WIF1: variants seen among roughly 807,000 people sequenced by gnomAD.
The protein encoded by WIF1 is Wnt inhibitory factor 1.
Under a neutral mutation model 53.5 loss-of-function variants are expected in WIF1, and 35 were observed. The observed-to-expected ratio is 0.65, with a 90% CI of 0.50 to 0.87. WIF1 has a LOEUF of 0.87. WIF1 is among the 40% of genes least tolerant of loss of function. WIF1 has a pLI of 0.00. For synonymous variants in WIF1, 171 were observed against 170.4 expected, an observed-to-expected ratio of 1.00 and a Z score of -0.03; for missense variants, 467 against 476.8, an observed-to-expected ratio of 0.98 and a Z score of 0.19.
At chr12:65,118,004 C>T (rs1195524282) in intron 2 of WIF1, among the ~76,000 whole-genome samples, 6 of 152,118 alleles carry the variant, frequency 3.9e-5, no homozygotes, top group Non-Finnish European at 7.4e-5. Context: ...GGGGATCCTT[C>T]GTTACTGGAC....
intron 2 of WIF1, among the ~76,000 whole-genome samples, chr12:65,086,128 T>G (rs1328295866): frequency 6.7e-6 from 1 of 149,712 alleles, no homozygotes; most frequent in Non-Finnish European, 1.5e-5. Flanking sequence ...GGAAAACACT[T>G]TGTTCAGCTC....
chr12:65,086,751 CT>C (rs1396520856), intron 2 of WIF1, among the ~76,000 whole-genome samples: 1 of 112,418 alleles, frequency 8.9e-6, no homozygotes, highest in African/African-American at 3.1e-5. Context: ...TTGAATATTT[CT>C]TTTCTTAAAG....
At chr12:65,090,826 A>G (rs998512934) in intron 2 of WIF1, among the ~76,000 whole-genome samples, 1 of 152,170 alleles carries the variant, frequency 6.6e-6, no homozygotes, top group African/African-American at 2.4e-5. Context: ...GTTACTATAC[A>G]CAGGATCAAT....
At chr12:65,069,666 A>T (rs999297475) in intron 3 of WIF1, among the ~76,000 whole-genome samples, 1 of 152,110 alleles carries the variant, frequency 6.6e-6, no homozygotes, top group African/African-American at 2.4e-5. Flanking sequence ...GAGTCTAATG[A>T]TTACTCAGCC....
intron 7 of WIF1, among the ~76,000 whole-genome samples, chr12:65,059,009 G>A (rs978445763): frequency 1.3e-5 from 2 of 151,544 alleles, no homozygotes; most frequent in South Asian, 2.1e-4. Context: ...CCAAGATGGC[G>A]CCACTGCACT....
At chr12:65,103,944 G>T (rs550019588) in intron 2 of WIF1, among the ~76,000 whole-genome samples, 6 of 150,660 alleles carry the variant, frequency 4.0e-5, no homozygotes, top group South Asian at 4.2e-4. Flanking sequence ...GCATACCTCT[G>T]GTCCCAGCTA....
At chr12:65,073,096 G>C (rs1882808812) in intron 3 of WIF1, among the ~76,000 whole-genome samples, 1 of 152,148 alleles carries the variant, frequency 6.6e-6, no homozygotes, top group African/African-American at 2.4e-5. Flanking sequence ...AGTCAGTTGA[G>C]TCCCTGTCCT....
intron 2 of WIF1, among the ~76,000 whole-genome samples, chr12:65,098,577 A>G (rs1303351806): frequency 6.6e-6 from 1 of 152,144 alleles, no homozygotes; most frequent in Non-Finnish European, 1.5e-5. Context: ...GGCAAAATGG[A>G]TCACGGCCAG....
chr12:65,072,768 A>G (rs190719093), intron 3 of WIF1, among the ~76,000 whole-genome samples: 75 of 152,288 alleles, frequency 4.9e-4, no homozygotes, highest in Non-Finnish European at 9.7e-4. Flanking sequence ...CTTCCAAGGA[A>G]TAAGAGGAAT....
At chr12:65,082,950 G>A (rs1355815761) in intron 2 of WIF1, among the ~76,000 whole-genome samples, 5 of 152,124 alleles carry the variant, frequency 3.3e-5, no homozygotes, top group Admixed American at 1.3e-4. Context: ...TGACCTAAGT[G>A]CTCATGGAAG....
Position 65,068,884 on chromosome 12 carries a change from A to G in WIF1, c.418T>C (p.Cys140Arg). The G allele has an allele frequency of 6.2e-7, 1 of 1,613,394 alleles. No homozygotes were observed. Among genetic ancestry groups the G allele is most frequent in the Non-Finnish European group, 8.5e-7 (1 of 1,179,592 alleles). Residue 140 changes from cysteine to arginine, a missense_variant, in exon 4 of 10, where the codon TGT (cysteine) becomes CGT (arginine). Physicochemically the swap from Cys to Arg is radical, Grantham distance 180. Coordinates refer to ENST00000286574, the MANE Select transcript of WIF1 (RefSeq NM_007191.5). ...GCCACCCCATCCTGTTTTCCAAGAC[A>G]TGGGAAACCAACTTGAACAACTAAA... The part of the protein sequence containing the change: ...KASVVQVGFP[C>R]LGKQDGVAAF...
At chr12:65,054,448 C>T (rs1882493646) in intron 9 of WIF1, among the ~76,000 whole-genome samples, 1 of 152,122 alleles carries the variant, frequency 6.6e-6, no homozygotes, top group South Asian at 2.1e-4. Flanking sequence ...GGAGAGACCA[C>T]AATCAATACT....
intron 2 of WIF1, among the ~76,000 whole-genome samples, chr12:65,094,893 C>T (rs1295702286): frequency 6.7e-6 from 1 of 149,794 alleles, no homozygotes; most frequent in Non-Finnish European, 1.5e-5. Flanking sequence ...CTCCTCCTTC[C>T]TCTTCTTCTT....
chr12:65,093,907 A>G (rs1399789338), intron 2 of WIF1, among the ~76,000 whole-genome samples: 1 of 152,180 alleles, frequency 6.6e-6, no homozygotes, highest in East Asian at 1.9e-4. Flanking sequence ...CTAACACACC[A>G]TTACCAAAGA....
chr12:65,104,945 T>C (rs1453528024), intron 2 of WIF1, among the ~76,000 whole-genome samples: 1 of 152,182 alleles, frequency 6.6e-6, no homozygotes, highest in African/African-American at 2.4e-5. Context: ...ATATATGAAG[T>C]AGCTGAAGAA....
intron 4 of WIF1, among the ~76,000 whole-genome samples, chr12:65,068,507 G>A (rs991301459): frequency 5.3e-5 from 8 of 151,998 alleles, no homozygotes; most frequent in Admixed American, 2.6e-4. Context: ...AGGAAGAAAA[G>A]GTGTTTTGAA....
At chr12:65,083,538 A>C (rs901058013) in intron 2 of WIF1, among the ~76,000 whole-genome samples, 1 of 151,790 alleles carries the variant, frequency 6.6e-6, no homozygotes, top group Non-Finnish European at 1.5e-5. Flanking sequence ...AATCACTAAG[A>C]CTCTTTTTAT....
intron 2 of WIF1, among the ~76,000 whole-genome samples, chr12:65,101,894 TC>T (rs1883287105): frequency 6.6e-6 from 1 of 152,082 alleles, no homozygotes; most frequent in East Asian, 1.9e-4. Context: ...TGCCAGCATA[TC>T]CCCCAGCTTG....
At chr12:65,059,118 C>T (rs1292654146) in intron 7 of WIF1, among the ~76,000 whole-genome samples, 1 of 151,614 alleles carries the variant, frequency 6.6e-6, no homozygotes, top group Admixed American at 6.6e-5. Context: ...TAAGTTTCAG[C>T]TGGTGGCATT....
Sources: gnomAD v4.1 joint callset for allele counts (sites outside exome capture counted in the v4.1 genomes callset) on GRCh38, gnomAD v4.1.1 for gene constraint, MANE v1.5 for transcripts, NCBI Gene and HGNC (gene_info 2026-07-23, HGNC 2026-07-21) for gene names.